The following CPSF2 variants were observed in gnomAD, a reference collection of about 807,000 sequenced individuals.
CPSF2 encodes the protein cleavage and polyadenylation specificity factor subunit 2.
A neutral mutation model predicts 84.2 loss-of-function variants in CPSF2; 51 were observed. The ratio of observed to expected loss-of-function variants is 0.61; its 90% CI spans 0.48 to 0.77. The LOEUF is 0.77. Among genes scored for constraint, CPSF2 ranks in the 30% least tolerant of loss-of-function variants. The probability of loss-of-function intolerance (pLI) is 0.00; values close to 1 mark genes in which losing one functional copy is unlikely to be tolerated. For synonymous variants in CPSF2, 286 were observed against 311.9 expected (o/e 0.92, Z 0.87); for missense variants, 641 against 929.4 (o/e 0.69, Z 4.03).
chr14:92,132,378 A>T (rs1595051895), intron 3 of CPSF2, among the ~76,000 whole-genome samples: 1 of 151,714 alleles, frequency 6.6e-6, no homozygotes, highest in East Asian at 2.0e-4. Context: ...CAGGCGATCC[A>T]CCTACCTCGG....
intron 1 of CPSF2, among the ~76,000 whole-genome samples, chr14:92,123,125 C>T (rs1322876450): frequency 2.0e-5 from 3 of 152,062 alleles, no homozygotes; most frequent in East Asian, 3.9e-4. Context: ...TCAACATGCA[C>T]GGTAATTATT....
chr14:92,153,703 CTTT>C (rs35788212), intron 9 of CPSF2, among the ~76,000 whole-genome samples: 2 of 131,302 alleles, frequency 1.5e-5, no homozygotes, highest in African/African-American at 2.9e-5. Flanking sequence ...CCACTACTGG[CTTT>C]TTTTTTTTTT....
At chr14:92,134,796 A>G (rs567440918) in intron 5 of CPSF2, among the ~76,000 whole-genome samples, 2 of 152,186 alleles carry the variant, frequency 1.3e-5, no homozygotes, top group Non-Finnish European at 2.9e-5. Flanking sequence ...GAAGTCCTAT[A>G]CTAAGTCTAT....
rs1331661795 is a variant in CPSF2 at position 92,134,270 on chromosome 14, T to C, written c.330T>C (p.Asp110=). The C allele has an allele frequency of 6.2e-7, 1 of 1,613,504 alleles. No homozygotes were observed. The highest frequency in any genetic ancestry group is 8.5e-7 in the Non-Finnish European group (1 of 1,179,468). ...DLYQSRHNTE[D]FTLFTLDDVD... is the part of the protein sequence containing the mutation. ...TTTAGTCTCGACACAATACAGAAGA[T>C]TTTACACTCTTTACATTAGATGATG... Residue 110 remains aspartate (D), a synonymous_variant, in exon 5 of 16, where the codon GAT becomes GAC. Transcript: ENST00000298875.
At chr14:92,133,058 C>G (rs2068953688) in intron 3 of CPSF2, among the ~76,000 whole-genome samples, 1 of 151,752 alleles carries the variant, frequency 6.6e-6, no homozygotes. Flanking sequence ...CCAGTGCACT[C>G]CAGCCTGGGC....
chr14:92,133,170 A>G (rs1394459456), intron 3 of CPSF2, among the ~76,000 whole-genome samples: 1 of 152,122 alleles, frequency 6.6e-6, no homozygotes, highest in Non-Finnish European at 1.5e-5. Context: ...CTGTAATCTC[A>G]GCACTTTGGG....
chr14:92,168,248 C>CAAAAAAAAAAAAAA lies in CPSF2; in HGVS notation c.*6509_*6522dup. 1.0e-5 allele frequency: 1 copy of CAAAAAAAAAAAAAA among 95,816 alleles called. No individual in the cohort carries two copies. The highest frequency in any genetic ancestry group is 3.6e-4 in the South Asian group (1 of 2,762). The allele number at this position is 95,816 out of a possible 1,614,324, so 5.9% of individuals were successfully genotyped here. A position where few individuals can be genotyped will look rare whatever the true frequency, so the allele number is the denominator to read the frequency against. On this transcript the variant is annotated 3_prime_UTR_variant, in exon 16 of 16. Coordinates refer to ENST00000298875, the MANE Select transcript of CPSF2 (RefSeq NM_017437.3). ...GGGCGACAGAGCGCAACTCTGTCTC[C>CAAAAAAAAAAAAAA]AAAAAAAAAAAAAAAAAAGGGCAGG...
intron 3 of CPSF2, among the ~76,000 whole-genome samples, 176 bp downstream of exon 3, chr14:92,131,309 T>G (rs962618582): frequency 1.3e-5 from 2 of 152,230 alleles, no homozygotes; most frequent in African/African-American, 4.8e-5. Context: ...TTTGATTGAC[T>G]TATAAGCTTT....
chr14:92,128,541 T>C (rs35038948), intron 2 of CPSF2, among the ~76,000 whole-genome samples: 30,442 of 152,164 alleles, frequency 0.2, 3,419 homozygotes, highest in East Asian at 0.53. Context: ...CCGCCGGCCC[T>C]GCATGATTGG....
At chr14:92,154,892 A>G (rs1323532515) in intron 10 of CPSF2, among the ~76,000 whole-genome samples, 1 of 152,198 alleles carries the variant, frequency 6.6e-6, no homozygotes, top group Admixed American at 6.5e-5. Context: ...CCATTGTAAC[A>G]CAATGTTAAG....
At position 92,161,262 on chromosome 14, in the gene CPSF2, A is replaced by G. The variant is rs1312606548; in HGVS notation, c.2256+16A>G. 1.0e-5 allele frequency: 16 copies of G among 1,604,528 alleles called. No individual in the cohort carries two copies. The highest frequency in any genetic ancestry group is 2.7e-5 in the African/African-American group (2 of 74,312). ...AGTCCGCAGAGTAAGTGTGTTTTCA[A>G]TAAGGGCTGAATTGAACACATACGT... On this transcript the variant is annotated intron_variant, in intron 15 of 15. Transcript: ENST00000298875.
At position 92,158,975 on chromosome 14, in the gene CPSF2, A is replaced by G; in HGVS notation, c.1822-8A>G. On this transcript the variant is annotated splice_polypyrimidine_tract_variant and splice_region_variant and intron_variant, in intron 13 of 15. Coordinates refer to ENST00000298875, the MANE Select transcript of CPSF2 (RefSeq NM_017437.3). ...TTTTATTTCTCTCCCCCTCCTTTGC[A>G]TGTCTAGGTGAGGTTAAAAGACTCA... 5.0e-6 allele frequency: 8 copies of G among 1,587,972 alleles called. No homozygotes were observed. Among genetic ancestry groups the G allele is most frequent in the Non-Finnish European group, 6.9e-6 (8 of 1,167,034 alleles).
chr14:92,142,399 G>C (rs778724854), intron 8 of CPSF2, 48 bp downstream of exon 8: 1 of 1,397,154 alleles, frequency 7.2e-7, no homozygotes, highest in Non-Finnish European at 9.8e-7. Flanking sequence ...CAGTGATTGG[G>C]TCTGTGGAAG....
At position 92,168,263 on chromosome 14, in the gene CPSF2, A is replaced by T. The variant is rs1567030481; in HGVS notation, c.*6519A>T. ...ACTCTGTCTCCAAAAAAAAAAAAAA[A>T]AAAGGGCAGGGGGAGCGGCTAGAGA... On this transcript the variant is annotated 3_prime_UTR_variant, in exon 16 of 16. Transcript: ENST00000298875. The T allele has an allele frequency of 6.6e-6, 1 of 151,750 alleles. No individual in the cohort carries two copies. Among genetic ancestry groups the T allele is most frequent in the African/African-American group, 2.4e-5 (1 of 41,334 alleles). The allele number at this position is 151,750 out of a possible 1,614,324, so 9.4% of individuals were successfully genotyped here.
At chr14:92,148,751 G>A (rs1281778853) in intron 9 of CPSF2, among the ~76,000 whole-genome samples, 3 of 139,826 alleles carry the variant, frequency 2.1e-5, no homozygotes, top group African/African-American at 8.1e-5. Flanking sequence ...AAGCCTGGGC[G>A]ATATAGCAAG....
At chr14:92,147,313 T>A (rs943252770) in intron 9 of CPSF2, among the ~76,000 whole-genome samples, 4 of 152,318 alleles carry the variant, frequency 2.6e-5, no homozygotes, top group African/African-American at 9.6e-5. Flanking sequence ...CCCTTCTAAG[T>A]CAAGTCTTAC....
At chr14:92,153,954 A>G (rs2069255633) in intron 9 of CPSF2, 1 of 150,550 alleles carries the variant, frequency 6.6e-6, no homozygotes, top group Non-Finnish European at 1.5e-5. Flanking sequence ...CCTGCCTTGC[A>G]AAGTGCTAGG....
rs1470480825 is a variant in CPSF2 at position 92,171,959 on chromosome 14, CT to C, written c.*10216del. Reference sequence around the variant, plus strand: ...TTGCTCCATCTCTGCCCCTCACCCCCTACCGTACATCACTGCTGTGAGGACC... The same window carrying C: ...TTGCTCCATCTCTGCCCCTCACCCCCACCGTACATCACTGCTGTGAGGACC... On this transcript the variant is annotated 3_prime_UTR_variant, in exon 16 of 16. Transcript: ENST00000298875. 2.0e-5 allele frequency: 3 copies of C among 152,588 alleles called. No homozygotes were observed. The highest frequency in any genetic ancestry group is 7.2e-5 in the African/African-American group (3 of 41,584). 9.5% of individuals were successfully genotyped at this position (152,588 alleles called of 1,614,324 possible). A position where few individuals can be genotyped will look rare whatever the true frequency, so the allele number is the denominator to read the frequency against.
rs1312193393 is a variant in CPSF2, at chr14:92,164,830, G to T, written c.*3086G>T. 1 of 152,126 alleles carries T rather than the reference G, an allele frequency of 6.6e-6. No individual in the cohort carries two copies. The highest frequency in any genetic ancestry group is 6.6e-5 in the Admixed American group (1 of 15,264). The allele number at this position is 152,126 out of a possible 1,614,324, so 9.4% of individuals were successfully genotyped here. The stretch of plus-strand genomic sequence containing the variant: ...CTTCTAAAGTGTACAATTCATTGGT[G>T]TTAGTATATTTACAGAGTTGTACAA... On this transcript the variant is annotated 3_prime_UTR_variant, in exon 16 of 16. Coordinates refer to ENST00000298875, the MANE Select transcript of CPSF2 (RefSeq NM_017437.3).
Sources: allele counts gnomAD v4.1 joint callset (sites outside exome capture counted in the v4.1 genomes callset), GRCh38; gene constraint gnomAD v4.1.1; transcripts MANE v1.5; gene names NCBI Gene and HGNC (gene_info 2026-07-23, HGNC 2026-07-21).